The following RAPGEF4 variants were observed in gnomAD, a reference collection of about 807,000 sequenced individuals.
The protein encoded by RAPGEF4 is RAP guanine-nucleotide-exchange factor (GEF) 4.
In RAPGEF4, 66 loss-of-function variants were observed where a neutral mutation model predicts 147.9. The observed-to-expected ratio is 0.45, with a 90% CI of 0.37 to 0.55. RAPGEF4 has a LOEUF of 0.55. RAPGEF4 is among the 20% of genes least tolerant of loss of function. RAPGEF4 has a pLI of 0.00. For missense variants in RAPGEF4, 1,071 were observed against 1,257.3 expected, an observed-to-expected ratio of 0.85 and a Z score of 2.24; for synonymous variants, 419 against 442.7, an observed-to-expected ratio of 0.95 and a Z score of 0.67.
chr2:172,963,493 A>C (rs1689510455), intron 8 of RAPGEF4, among the ~76,000 whole-genome samples: 1 of 152,212 alleles, frequency 6.6e-6, no homozygotes, highest in Non-Finnish European at 1.5e-5. Context: ...CATTAGGGAA[A>C]ATTTATTAAA....
At chr2:172,909,755 C>T (rs1699928525) in intron 4 of RAPGEF4, among the ~76,000 whole-genome samples, 1 of 152,208 alleles carries the variant, frequency 6.6e-6, no homozygotes, top group Non-Finnish European at 1.5e-5. Context: ...TTTCAGAGAA[C>T]TTGAAGTGAC....
chr2:172,744,615 C>A lies in RAPGEF4; in HGVS notation c.65+8567C>A, dbSNP rs199991708. On this transcript the variant is annotated intron_variant, in intron 1 of 30. Coordinates refer to ENST00000397081, the MANE Select transcript of RAPGEF4 (RefSeq NM_007023.4). ...CATTGGGATTTTCCCTGTAGACAAT[C>A]TTGAATGTGAATACTGGTAGTTTTA... 3.3e-5 allele frequency among the ~76,000 whole-genome samples: 5 copies of A among 152,292 alleles called. No individual in the cohort carries two copies. In the East Asian group the frequency reaches 9.6e-4, roughly 29 times the overall value.
At chr2:172,902,836 G>T (rs1575182957) in intron 4 of RAPGEF4, among the ~76,000 whole-genome samples, 1 of 152,270 alleles carries the variant, frequency 6.6e-6, no homozygotes, top group East Asian at 1.9e-4. Flanking sequence ...TGACTCAAGG[G>T]TTGCAAAATT....
chr2:172,863,787 T>C lies in RAPGEF4; in HGVS notation c.444+49362T>C, dbSNP rs565190445. On this transcript the variant is annotated intron_variant, in intron 4 of 30. Coordinates refer to ENST00000397081, the MANE Select transcript of RAPGEF4 (RefSeq NM_007023.4). ...CAAGCCCTTTATAGGAGCGATGTTG[T>C]AAACATATTTAGGCTCCTTTTCAAA... Among the ~76,000 whole-genome samples the C allele has an allele frequency of 5.3e-5, 8 of 152,320 alleles. 1 individual carries two copies. The East Asian group carries it at 1.5e-3, about 29-fold the overall frequency.
intron 5 of RAPGEF4, among the ~76,000 whole-genome samples, chr2:172,921,546 A>T (rs72908291): frequency 0.026 from 3,947 of 152,324 alleles, 72 homozygotes; most frequent in South Asian, 0.056. Context: ...AACCACATGT[A>T]AAAATGACCT....
At chr2:172,902,988 A>C (rs1241794239) in intron 4 of RAPGEF4, among the ~76,000 whole-genome samples, 4 of 152,166 alleles carry the variant, frequency 2.6e-5, no homozygotes, top group African/African-American at 9.7e-5. Flanking sequence ...GCAATAATAG[A>C]AAAAATCATA....
At chr2:173,001,391 C>A (rs1019823783) in intron 17 of RAPGEF4, 47 bp downstream of exon 17, 7 of 1,589,648 alleles carry the variant, frequency 4.4e-6, no homozygotes, top group Non-Finnish European at 3.4e-6. Flanking sequence ...CGAAGACAAC[C>A]CCCCCTATCG....
chr2:172,933,057 C>T (rs1459488743), intron 6 of RAPGEF4, among the ~76,000 whole-genome samples: 1 of 152,138 alleles, frequency 6.6e-6, no homozygotes, highest in African/African-American at 2.4e-5. Context: ...AAAGTCAATT[C>T]ATGCACCTTT....
chr2:172,845,606 C>A (rs970544989), intron 4 of RAPGEF4, among the ~76,000 whole-genome samples: 2 of 152,046 alleles, frequency 1.3e-5, no homozygotes. Context: ...ATGGAATTGG[C>A]AGATGGAAAG....
At chr2:172,851,991 C>T (rs17706349) in intron 4 of RAPGEF4, among the ~76,000 whole-genome samples, 2,546 of 152,182 alleles carry the variant, frequency 0.017, 25 homozygotes, top group South Asian at 0.034. Context: ...GCTGTAAATA[C>T]GATTATGCAA....
rs1052461654 is a variant in RAPGEF4 at position 173,051,970 on chromosome 2, T to G, written c.*203T>G. The G allele has an allele frequency of 4.4e-6, 2 of 449,976 alleles. No individual in the cohort carries two copies. The highest frequency in any genetic ancestry group is 4.2e-5 in the South Asian group (1 of 23,750). 27.9% of individuals were successfully genotyped at this position (449,976 alleles called of 1,614,324 possible). A position where few individuals can be genotyped will look rare whatever the true frequency, so the allele number is the denominator to read the frequency against. On this transcript the variant is annotated 3_prime_UTR_variant, in exon 31 of 31. Transcript: ENST00000397081. ...TTTGACATGCCTAAAGCTTACACAC[T>G]CTAGCTTAGGAATCCCCAGTTTGTG...
intron 4 of RAPGEF4, among the ~76,000 whole-genome samples, chr2:172,855,168 C>T (rs1243370484): frequency 6.6e-6 from 1 of 152,070 alleles, no homozygotes; most frequent in Non-Finnish European, 1.5e-5. Context: ...GCCACAAATT[C>T]CATTTTAATT....
At chr2:172,792,843 C>T (rs1049563543) in intron 1 of RAPGEF4, among the ~76,000 whole-genome samples, 13 of 152,176 alleles carry the variant, frequency 8.5e-5, no homozygotes, top group Non-Finnish European at 2.9e-5. Flanking sequence ...ATGTACCTGC[C>T]ACTTACACAG....
chr2:172,763,250 A>G (rs946814513), intron 1 of RAPGEF4, among the ~76,000 whole-genome samples: 4 of 152,206 alleles, frequency 2.6e-5, no homozygotes, highest in Admixed American at 2.6e-4. Context: ...ATACAGGAAT[A>G]AGGAAATAAC....
chr2:172,926,082 G>GGAAGGAAA (rs1263693830), intron 6 of RAPGEF4, among the ~76,000 whole-genome samples: 4 of 150,908 alleles, frequency 2.7e-5, no homozygotes, highest in African/African-American at 7.3e-5. Context: ...CAGGCAGACA[G>GGAAGGAAA]GAAGGAAAGA....
chr2:172,779,582 C>G (rs563395254), intron 1 of RAPGEF4, among the ~76,000 whole-genome samples: 1 of 152,188 alleles, frequency 6.6e-6, no homozygotes, highest in African/African-American at 2.4e-5. Flanking sequence ...ACATGGGGGC[C>G]AGGTGATGTG....
At chr2:172,915,863 T>C (rs1206260727) in intron 4 of RAPGEF4, among the ~76,000 whole-genome samples, 1 of 152,188 alleles carries the variant, frequency 6.6e-6, no homozygotes, top group African/African-American at 2.4e-5. Context: ...GTTGAAATTT[T>C]CTAGAAAAAT....
intron 14 of RAPGEF4, among the ~76,000 whole-genome samples, 185 bp from the exon 15 acceptor site, chr2:172,990,625 C>T (rs1052757167): frequency 6.6e-6 from 1 of 152,198 alleles, no homozygotes; most frequent in African/African-American, 2.4e-5. Context: ...GTCTTAAAAA[C>T]ACATGCTTCA....
intron 10 of RAPGEF4, among the ~76,000 whole-genome samples, chr2:172,976,191 G>C (rs1335094369): frequency 2.0e-5 from 3 of 152,150 alleles, no homozygotes; most frequent in African/African-American, 7.2e-5. Flanking sequence ...TCCTTTTTGG[G>C]GTTAAAGATA....
Sources: gnomAD v4.1 joint callset for allele counts (sites outside exome capture counted in the v4.1 genomes callset) on GRCh38, gnomAD v4.1.1 for gene constraint, MANE v1.5 for transcripts, NCBI Gene and HGNC (gene_info 2026-07-23, HGNC 2026-07-21) for gene names.